The following SPRY4 variants were observed in gnomAD, a reference collection of about 807,000 sequenced individuals.
SPRY4 encodes protein sprouty homolog 4.
In SPRY4, 7 loss-of-function variants were observed where a neutral mutation model predicts 17.0. That is an observed-to-expected ratio of 0.41 (90% CI 0.23 to 0.77). The LOEUF is 0.77. Ranked by LOEUF, SPRY4 falls within the 30% of genes least tolerant of loss-of-function variation. SPRY4 has a pLI of 0.32. For missense variants in SPRY4, 435 were observed against 419.9 expected (o/e 1.04, Z -0.31); for synonymous variants, 183 against 174.1 (o/e 1.05, Z -0.40).
In SPRY4 at chr5:142,314,443, G is replaced by A. The variant is rs139806448; in HGVS notation, c.666C>T (p.His222=). Residue 222 remains histidine, a synonymous_variant, in exon 2 of 2, where the codon CAC becomes CAT. Coordinates refer to ENST00000434127, the MANE Select transcript of SPRY4 (RefSeq NM_001127496.3). The surrounding 1 kb of genome is among the most constrained non-coding windows in gnomAD (Gnocchi z 4.8). The part of the protein sequence containing the change: ...NEDDEGSCAD[H]PCSCSRSNCC... ...AGTTGGAGCGGGAGCAGGAGCAGGG[G>A]TGGTCAGCGCAGGAGCCCTCATCGT... 4.1e-4 allele frequency: 658 copies of A among 1,614,148 alleles called. No homozygotes were observed. The highest frequency in any genetic ancestry group is 5.3e-4 in the Non-Finnish European group (621 of 1,180,008).
rs139736145 is a variant in SPRY4, at chr5:142,314,314, G to A, written c.795C>T (p.Tyr265=). The change falls in exon 2 of 2, where the codon TAC becomes TAT. Residue 265 remains tyrosine (Y), a synonymous_variant. Transcript: ENST00000434127. The surrounding 1 kb of genome is among the most constrained non-coding windows in gnomAD (Gnocchi z 4.8). ...GGCAACCAGGGCGGCGCAGACGGTC[G>A]TAGCCACGCTGGGCCAGCTTCACGC... The part of the protein sequence containing the change: ...TGCVKLAQRG[Y]DRLRRPGCRC... The A allele has an allele frequency of 2.9e-5, 46 of 1,613,796 alleles. No homozygotes were observed. In the African/African-American group the frequency reaches 4.1e-4, roughly 15 times the overall value.
chr5:142,317,918 GGAC>G, intron 1 of SPRY4: 1 of 985,338 alleles, frequency 1.0e-6, no homozygotes, highest in South Asian at 4.7e-5. Context: ...GGCTCTCTGG[GGAC>G]GATGCAGCAT....
Position 142,314,099 on chromosome 5 carries a change from T to C in SPRY4, c.*110A>G. 3.3e-6 allele frequency: 4 copies of C among 1,195,422 alleles called. No homozygotes were observed. The highest frequency in any genetic ancestry group is 4.6e-6 in the Non-Finnish European group (4 of 870,252). The allele number at this position is 1,195,422 out of a possible 1,614,324, so 74.1% of individuals were successfully genotyped here. A position where few individuals can be genotyped will look rare whatever the true frequency, so the allele number is the denominator to read the frequency against. On this transcript the variant is annotated 3_prime_UTR_variant, in exon 2 of 2. Coordinates refer to ENST00000434127, the MANE Select transcript of SPRY4 (RefSeq NM_001127496.3). This position sits in a 1 kb window ranked among gnomAD's most constrained non-coding sequence, Gnocchi z 4.8. ...AGCTGGGGGTAGGGAGTGGGCAGAC[T>C]AGCAAGGTCAGCCTCAGGAGGCTAA...
At chr5:142,317,295 G>A (rs2126993267) in intron 1 of SPRY4, 1 of 985,436 alleles carries the variant, frequency 1.0e-6, no homozygotes, top group South Asian at 4.7e-5. Context: ...ATGAGTTTGG[G>A]GCAAGAGGCC....
intron 1 of SPRY4, among the ~76,000 whole-genome samples, chr5:142,322,469 C>G (rs1759374328): frequency 1.0e-5 from 1 of 96,572 alleles, no homozygotes; most frequent in South Asian, 3.8e-4. Flanking sequence ...AGACTCGTCT[C>G]AAGAAAAAAA....
rs1488157823 is a variant in SPRY4 at position 142,321,514 on chromosome 5, C to T, written c.-48+3330G>A. ...CTTTCTCCTTTCAGGGAGATAAGGT[C>T]GGCCCTGAGATAGAACCTTCTCCAC... is the stretch of plus-strand genomic sequence containing the variant. On this transcript the variant is annotated intron_variant, in intron 1 of 1. Transcript: ENST00000434127. 2.6e-5 allele frequency among the ~76,000 whole-genome samples: 4 copies of T among 152,128 alleles called. No individual in the cohort carries two copies. The South Asian group carries it at 8.3e-4, about 32-fold the overall frequency.
Position 142,314,190 on chromosome 5 carries a change from G to T in SPRY4, c.*19C>A. ...GAACCAGGTTTCCAGGCAGAGCACT[G>T]GGGCTTCGACACAAACTGTCAGAAA... On this transcript the variant is annotated 3_prime_UTR_variant, in exon 2 of 2. Coordinates refer to ENST00000434127, the MANE Select transcript of SPRY4 (RefSeq NM_001127496.3). The surrounding 1 kb of genome is among the most constrained non-coding windows in gnomAD (Gnocchi z 4.8). 1 of 1,590,974 alleles carries T rather than the reference G, an allele frequency of 6.3e-7. No homozygotes were observed.
At position 142,311,913 on chromosome 5, in the gene SPRY4, TAGAC is replaced by T. The variant is rs1048123835; in HGVS notation, c.*2292_*2295del. On this transcript the variant is annotated 3_prime_UTR_variant, in exon 2 of 2. Coordinates refer to ENST00000434127, the MANE Select transcript of SPRY4 (RefSeq NM_001127496.3). The stretch of plus-strand genomic sequence containing the variant: ...TGCCAGGAAATAGGGTCTTTGTCGG[TAGAC>T]AGTCAGTGTGGGGTAGGGGTGTGTG... 8 of 120,118 alleles carry T rather than the reference TAGAC, an allele frequency of 6.7e-5. No homozygotes were observed. Among genetic ancestry groups the T allele is most frequent in the African/African-American group, 2.4e-4 (8 of 32,968 alleles). The allele number at this position is 120,118 out of a possible 1,614,324, so 7.4% of individuals were successfully genotyped here.
At chr5:142,317,570 GT>G in intron 1 of SPRY4, 1 of 984,868 alleles carries the variant, frequency 1.0e-6, no homozygotes, top group Non-Finnish European at 1.2e-6. Context: ...ATTGGGTCTG[GT>G]CATGCTGTGG....
rs145360326 is a variant in SPRY4, at chr5:142,314,383, G to A, written c.726C>T (p.Ser242=). 416 of 1,614,012 alleles carry A rather than the reference G, an allele frequency of 2.6e-4. 1 individual carries two copies. The highest frequency in any genetic ancestry group is 9.9e-4 in the Middle Eastern group (6 of 6,062). ...AGCAGAGCAGGCAGGGCAGCACCAC[G>A]GAGAGAGCACCCATGAAGGACCAGC... is the stretch of plus-strand genomic sequence containing the variant. ...CARWSFMGAL[S]VVLPCLLCYL... is the part of the protein sequence containing the mutation. Residue 242 remains serine (S), a synonymous_variant, in exon 2 of 2, where the codon TCC becomes TCT. Transcript: ENST00000434127. This position sits in a 1 kb window ranked among gnomAD's most constrained non-coding sequence, Gnocchi z 4.8.
chr5:142,317,141 G>A (rs1289494877), intron 1 of SPRY4: 1 of 985,486 alleles, frequency 1.0e-6, no homozygotes, highest in Non-Finnish European at 1.2e-6. Context: ...GGTCAGGGCT[G>A]GAGAGAGGGA....
At chr5:142,320,162 T>A (rs1207957059) in intron 1 of SPRY4, among the ~76,000 whole-genome samples, 1 of 152,186 alleles carries the variant, frequency 6.6e-6, no homozygotes, top group Non-Finnish European at 1.5e-5. Flanking sequence ...AATAATGACT[T>A]ATTGCTTTAA....
At chr5:142,319,790 G>A in intron 1 of SPRY4, 1 of 1,609,986 alleles carries the variant, frequency 6.2e-7, no homozygotes, top group Non-Finnish European at 8.5e-7. Context: ...CTCAATACAG[G>A]CTGGCTGAAA....
In SPRY4 at chr5:142,311,254, G is replaced by A. The variant is rs3797053; in HGVS notation, c.*2955C>T. 0.25 allele frequency: 38,279 copies of A among 152,064 alleles called. 5,591 individuals carry two copies. Among genetic ancestry groups the A allele is most frequent in the East Asian group, 0.63 (3,234 of 5,138 alleles). The allele number at this position is 152,064 out of a possible 1,614,324, so 9.4% of individuals were successfully genotyped here. ...AAGACCCAGTTCCCAGGGTGCTCGC[G>A]GAAGCGCTGTCCTTCATTAACACGG... On this transcript the variant is annotated 3_prime_UTR_variant, in exon 2 of 2. Transcript: ENST00000434127.
chr5:142,314,993 G>A lies in SPRY4; in HGVS notation c.116C>T (p.Pro39Leu). The part of the protein sequence containing the change: ...SRLQHPLTIL[P>L]IDQVKTSHVE... ...ATGGCTGGTCTTCACCTGGTCAATG[G>A]GTAGGATGGTGAGTGGGTGCTGGAG... The change falls in exon 2 of 2, where the codon CCC (proline) becomes CTC (leucine). Residue 39 changes from proline to leucine, a missense_variant. Pro to Leu is a moderately conservative substitution (Grantham distance 98). Coordinates refer to ENST00000434127, the MANE Select transcript of SPRY4 (RefSeq NM_001127496.3). This position sits in a 1 kb window ranked among gnomAD's most constrained non-coding sequence, Gnocchi z 4.8. 3 of 1,614,026 alleles carry A rather than the reference G, an allele frequency of 1.9e-6. No homozygotes were observed. The highest frequency in any genetic ancestry group is 4.5e-5 in the East Asian group (2 of 44,882).
chr5:142,315,499 C>T (rs1175630407), intron 1 of SPRY4: 1 of 214,624 alleles, frequency 4.7e-6, no homozygotes, highest in Non-Finnish European at 9.3e-6. Flanking sequence ...CAAAGTCACA[C>T]AAAACTATCC....
intron 1 of SPRY4, 54 bp downstream of exon 1, chr5:142,324,790 C>T (rs1759476360): frequency 6.5e-6 from 1 of 152,846 alleles, no homozygotes; most frequent in African/African-American, 2.4e-5. Flanking sequence ...GGGGGAGTCG[C>T]GTCGCGGCTC....
chr5:142,322,104 G>A (rs1261271542), intron 1 of SPRY4, among the ~76,000 whole-genome samples: 1 of 152,222 alleles, frequency 6.6e-6, no homozygotes, highest in African/African-American at 2.4e-5. Flanking sequence ...TGGGGCTGGG[G>A]TCATGGGTGG....
rs1472248037 is a variant in SPRY4 at position 142,312,515 on chromosome 5, C to A, written c.*1694G>T. ...GAGAAGCATTAGGTGCCTATCATAGCTACCTACCTCGCTGCCTCCTTCCCG... is the reference window on the plus strand; with the variant it reads ...GAGAAGCATTAGGTGCCTATCATAGATACCTACCTCGCTGCCTCCTTCCCG... On this transcript the variant is annotated 3_prime_UTR_variant, in exon 2 of 2. Transcript: ENST00000434127. 1 of 152,176 alleles carries A rather than the reference C, an allele frequency of 6.6e-6. No individual in the cohort carries two copies. Among genetic ancestry groups the A allele is most frequent in the South Asian group, 2.1e-4 (1 of 4,826 alleles). The allele number at this position is 152,176 out of a possible 1,614,324, so 9.4% of individuals were successfully genotyped here.
Sources: gnomAD v4.1 joint callset for allele counts (sites outside exome capture counted in the v4.1 genomes callset) on GRCh38, gnomAD v4.1.1 for gene constraint, Gnocchi (gnomAD v3.1) non-coding constraint, MANE v1.5 for transcripts, NCBI Gene and HGNC (gene_info 2026-07-23, HGNC 2026-07-21) for gene names.